MARCHF1: variants seen among roughly 807,000 people sequenced by gnomAD.
MARCHF1 encodes the protein E3 ubiquitin-protein ligase MARCHF1.
Under a neutral mutation model 54.2 loss-of-function variants are expected in MARCHF1, and 40 were observed. That is an observed-to-expected ratio of 0.74 (90% confidence interval 0.57 to 0.96). The LOEUF (loss-of-function observed/expected upper bound fraction) is 0.96, where lower values mean the gene tolerates loss of function less well. Among genes scored for constraint, MARCHF1 ranks in the 40% least tolerant of loss-of-function variants. MARCHF1 has a pLI of 0.00. For synonymous variants in MARCHF1, 236 were observed against 236.3 expected, an observed-to-expected ratio of 1.00 and a Z score of 0.01; for missense variants, 586 against 656.5, an observed-to-expected ratio of 0.89 and a Z score of 1.17.
At chr4:163,889,496 T>C (rs1750607934) in intron 3 of MARCHF1, among the ~76,000 whole-genome samples, 1 of 152,118 alleles carries the variant, frequency 6.6e-6, no homozygotes, top group Non-Finnish European at 1.5e-5. Flanking sequence ...TATTCTTTGG[T>C]ATAGTCCCAT....
chr4:164,007,206 C>A (rs1357446320), intron 2 of MARCHF1, among the ~76,000 whole-genome samples: 1 of 150,348 alleles, frequency 6.7e-6, no homozygotes, highest in African/African-American at 2.4e-5. Flanking sequence ...ATTAGCCGGG[C>A]GTGGTGGCAG....
intron 4 of MARCHF1, among the ~76,000 whole-genome samples, chr4:163,833,027 T>C (rs1383403223): frequency 6.6e-6 from 1 of 152,034 alleles, no homozygotes; most frequent in Non-Finnish European, 1.5e-5. Context: ...TCTTTGCTAT[T>C]GTGAATAGTG....
chr4:163,581,385 C>G (rs1021923340), intron 8 of MARCHF1, among the ~76,000 whole-genome samples: 2 of 152,128 alleles, frequency 1.3e-5, no homozygotes, highest in Non-Finnish European at 2.9e-5. Flanking sequence ...TAGCAAATTC[C>G]CCTTAATGGT....
chr4:163,956,374 CTT>C (rs1210919939), intron 3 of MARCHF1, among the ~76,000 whole-genome samples: 2 of 152,086 alleles, frequency 1.3e-5, no homozygotes, highest in African/African-American at 4.8e-5. Flanking sequence ...TGATGACTTT[CTT>C]TCTTGGACAT....
rs529460760 is a variant in MARCHF1 at position 163,769,885 on chromosome 4, C to A, written c.112-69022G>T. On this transcript the variant is annotated intron_variant, in intron 4 of 9. Transcript: ENST00000514618. ...CCACAAAGGTATGAACTACGTTGAT[C>A]CACTTATATGTGCATTTTCTTCTGC... is the stretch of plus-strand genomic sequence containing the variant. Among the ~76,000 whole-genome samples the A allele has an allele frequency of 2.6e-5, 4 of 152,180 alleles. No homozygotes were observed. The South Asian group carries it at 6.2e-4, about 24-fold the overall frequency.
intron 4 of MARCHF1, among the ~76,000 whole-genome samples, chr4:163,723,611 A>C (rs933263107): frequency 1.3e-5 from 2 of 152,144 alleles, no homozygotes; most frequent in Non-Finnish European, 2.9e-5. Context: ...TAATACCCTG[A>C]AGAGTGTTTT....
At chr4:163,952,736 A>G (rs1034471056) in intron 3 of MARCHF1, among the ~76,000 whole-genome samples, 4 of 152,182 alleles carry the variant, frequency 2.6e-5, no homozygotes, top group African/African-American at 9.7e-5. Flanking sequence ...CCTGCCAGCT[A>G]TCTCCCTTGT....
At chr4:164,237,687 TTC>T (rs1732603725) in intron 1 of MARCHF1, among the ~76,000 whole-genome samples, 1 of 152,062 alleles carries the variant, frequency 6.6e-6, no homozygotes, top group Non-Finnish European at 1.5e-5. Flanking sequence ...CAGAAAGTGC[TTC>T]TTTCTGCACT....
At chr4:163,877,222 A>C (rs1228160189) in intron 3 of MARCHF1, among the ~76,000 whole-genome samples, 1 of 152,160 alleles carries the variant, frequency 6.6e-6, no homozygotes, top group African/African-American at 2.4e-5. Flanking sequence ...ATCCCTACTG[A>C]AAAGTTCTTG....
chr4:164,035,930 T>A (rs1442089824), intron 2 of MARCHF1, among the ~76,000 whole-genome samples: 16 of 116,592 alleles, frequency 1.4e-4, no homozygotes, highest in Admixed American at 3.7e-4. Flanking sequence ...AAACTAAAAC[T>A]AAAAAAAAAA....
chr4:163,962,598 T>C (rs1286256126), intron 3 of MARCHF1, among the ~76,000 whole-genome samples: 6 of 151,954 alleles, frequency 3.9e-5, no homozygotes, highest in African/African-American at 1.4e-4. Flanking sequence ...TACATTCTGC[T>C]TAGGCATTCA....
At chr4:164,304,537 T>A (rs572175353) in intron 1 of MARCHF1, among the ~76,000 whole-genome samples, 5 of 152,374 alleles carry the variant, frequency 3.3e-5, no homozygotes, top group Non-Finnish European at 7.4e-5. Context: ...TGATCATTTC[T>A]AAGAATGTAC....
intron 8 of MARCHF1, among the ~76,000 whole-genome samples, chr4:163,560,303 G>A (rs79754181): frequency 0.058 from 8,871 of 152,142 alleles, 383 homozygotes; most frequent in South Asian, 0.14. Flanking sequence ...TCCTTTCCCT[G>A]CTGAATTGCT....
chr4:163,813,547 G>A (rs1194019762), intron 4 of MARCHF1, among the ~76,000 whole-genome samples: 4 of 152,034 alleles, frequency 2.6e-5, no homozygotes, highest in African/African-American at 9.7e-5. Flanking sequence ...TATTTAAGAG[G>A]AAATTAAAGA....
rs148096829 is a variant in MARCHF1, at chr4:163,830,661, C to G, written c.111+23360G>C. On this transcript the variant is annotated intron_variant, in intron 4 of 9. Transcript: ENST00000514618. ...GGCCACAGTGGCGCATGTCTGTAAT[C>G]CCAGCACTTTGAGAGGCCGAGGCGG... Among the ~76,000 whole-genome samples, 9 of 152,246 alleles carry G rather than the reference C, an allele frequency of 5.9e-5. No homozygotes were observed. In the East Asian group the frequency reaches 1.7e-3, roughly 29 times the overall value.
intron 1 of MARCHF1, chr4:164,189,558 G>A: frequency 1.1e-6 from 1 of 912,094 alleles, no homozygotes; most frequent in South Asian, 1.4e-5. Flanking sequence ...AAGCTGTAGT[G>A]CATGGTGCTG....
intron 1 of MARCHF1, among the ~76,000 whole-genome samples, chr4:164,211,814 TGA>T (rs1731782427): frequency 6.6e-6 from 1 of 152,020 alleles, no homozygotes. Flanking sequence ...ACAACTATTT[TGA>T]GAGAGTTCGC....
In MARCHF1 at chr4:163,545,947, A is replaced by ATGTG. The variant is rs70948653; in HGVS notation, c.1192-208_1192-205dup. Among the ~76,000 whole-genome samples the ATGTG allele has an allele frequency of 8.4e-3, 1,248 of 149,042 alleles. 16 individuals carry two copies. Among genetic ancestry groups the ATGTG allele is most frequent in the East Asian group, 0.059 (300 of 5,050 alleles). On this transcript the variant is annotated intron_variant, in intron 8 of 9. Transcript: ENST00000514618. The stretch of plus-strand genomic sequence containing the variant: ...AGAGTTACATATAACTTAAATACAT[A>ATGTG]TGTGTGTGTGTGTGTGTGTGTGTGT...
At chr4:163,868,238 A>G (rs1579353234) in intron 3 of MARCHF1, among the ~76,000 whole-genome samples, 1 of 152,114 alleles carries the variant, frequency 6.6e-6, no homozygotes, top group East Asian at 1.9e-4. Context: ...ATCAAAATAA[A>G]AATTTTGTCA....
Sources: gnomAD v4.1 joint callset for allele counts (sites outside exome capture counted in the v4.1 genomes callset) on GRCh38, gnomAD v4.1.1 for gene constraint, MANE v1.5 for transcripts, NCBI Gene and HGNC (gene_info 2026-07-23, HGNC 2026-07-21) for gene names.